The following SEMA4G variants were observed in gnomAD, a reference collection of about 807,000 sequenced individuals.
The protein encoded by SEMA4G is semaphorin 4G.
Under a neutral mutation model 81.2 loss-of-function variants are expected in SEMA4G, and 59 were observed. That is an observed-to-expected ratio of 0.73 (90% confidence interval 0.59 to 0.90). The LOEUF (loss-of-function observed/expected upper bound fraction) is 0.90. SEMA4G is among the 40% of genes least tolerant of loss of function. SEMA4G has a pLI of 0.00. For missense variants in SEMA4G, 952 were observed against 1,102.3 expected, an observed-to-expected ratio of 0.86 and a Z score of 1.93; for synonymous variants, 404 against 433.9, an observed-to-expected ratio of 0.93 and a Z score of 0.86.
chr10:100,973,332 T>C lies in SEMA4G; in HGVS notation c.273+55T>C, dbSNP rs1589978932. The C allele has an allele frequency of 6.3e-7, 1 of 1,598,414 alleles. No homozygotes were observed. Among genetic ancestry groups the C allele is most frequent in the East Asian group, 2.2e-5 (1 of 44,584 alleles). On this transcript the variant is annotated intron_variant, in intron 2 of 13. Transcript: ENST00000370250. This position sits in a 1 kb window ranked among gnomAD's most constrained non-coding sequence, Gnocchi z 5.5. Reference sequence around the variant, plus strand: ...GGGTCTCTATGCTTATCCAGCTCCCTGGGACCTCAACTTCCTTAAAACCCT... The same window carrying C: ...GGGTCTCTATGCTTATCCAGCTCCCCGGGACCTCAACTTCCTTAAAACCCT...
intron 13 of SEMA4G, 46 bp downstream of exon 14, chr10:100,981,275 C>T (rs1851058560): frequency 6.2e-7 from 1 of 1,606,700 alleles, no homozygotes; most frequent in Middle Eastern, 1.7e-4. Context: ...AGACTGTCCT[C>T]TTTGCCATTT....
chr10:100,976,852 T>C (rs748410036), intron 3 of SEMA4G, among the ~76,000 whole-genome samples: 6 of 152,214 alleles, frequency 3.9e-5, no homozygotes, highest in Non-Finnish European at 8.8e-5. Context: ...ATAAATAGCT[T>C]TATAAAGTCG....
chr10:100,984,980 T>C, downstream of SEMA4G: 1 of 1,364,610 alleles, frequency 7.3e-7, no homozygotes, highest in Non-Finnish European at 9.7e-7. Context: ...TCCACTCACA[T>C]GCACCTCTGA....
chr10:100,984,575 C>T (rs536866327), exon 14 of SEMA4G: 141 of 1,536,180 alleles, frequency 9.2e-5, no homozygotes, highest in Non-Finnish European at 1.2e-4. Context: ...CCAGACAAGA[C>T]CTCTGCCAGC....
chr10:100,969,587 C>T (rs1850570281), upstream of SEMA4G: 1 of 254,800 alleles, frequency 3.9e-6, no homozygotes, highest in African/African-American at 2.4e-5. Context: ...GATCCGAGCG[C>T]AAAGGTGAGC....
At chr10:100,978,593 A>T in exon 6 of SEMA4G, 9 of 1,614,082 alleles carry the variant, frequency 5.6e-6, no homozygotes, top group Non-Finnish European at 7.6e-6. Flanking sequence ...CGGAGCCGCC[A>T]CCCACACTCC....
intron 12 of SEMA4G, 26 bp from the exon 14 acceptor site, chr10:100,981,142 T>C (rs1851049873): frequency 6.2e-7 from 1 of 1,613,832 alleles, no homozygotes; most frequent in Non-Finnish European, 8.5e-7. Flanking sequence ...TTCCCCTTGT[T>C]CATAAAACCT....
chr10:100,981,568 A>G lies in SEMA4G; in HGVS notation c.1690+339A>G, dbSNP rs577259275. 5 of 1,613,146 alleles carry G rather than the reference A, an allele frequency of 3.1e-6. No individual in the cohort carries two copies. The African/African-American group carries it at 6.7e-5, about 21-fold the overall frequency. ...TCTGAAGAAAGAACAAAAGTTAATC[A>G]TCACAGCTAAGATGTATTAAGTATT... On this transcript the variant is annotated intron_variant, in intron 13 of 13. Coordinates refer to ENST00000370250, the Ensembl canonical transcript of SEMA4G.
chr10:100,976,978 G>A (rs1353878448), intron 3 of SEMA4G, among the ~76,000 whole-genome samples: 1 of 152,214 alleles, frequency 6.6e-6, no homozygotes, highest in Non-Finnish European at 1.5e-5. Context: ...AGTGGACCAA[G>A]TCAAGAGACT....
upstream of SEMA4G, among the ~76,000 whole-genome samples, chr10:100,971,092 G>A (rs1051096286): frequency 6.7e-6 from 1 of 149,468 alleles, no homozygotes; most frequent in African/African-American, 2.5e-5. Context: ...GTGAATCCAC[G>A]TGTTCACAGT....
At chr10:100,984,017 G>A (rs1413580384) in exon 14 of SEMA4G, 15 of 1,613,482 alleles carry the variant, frequency 9.3e-6, no homozygotes, top group Non-Finnish European at 1.2e-5. Flanking sequence ...TTCTGAGGCA[G>A]AGCAACAATG....
rs377210428 is a variant in SEMA4G, at chr10:100,978,522, G to A, written c.530-5G>A. On this transcript the variant is annotated splice_region_variant and splice_polypyrimidine_tract_variant and intron_variant, in intron 5 of 13. Coordinates refer to ENST00000370250, the Ensembl canonical transcript of SEMA4G. The stretch of plus-strand genomic sequence containing the variant: ...TCTCTCATGCCTGGAATATCCCCAC[G>A]CCAGATGGAGGCCTCTACACAGCCA... The A allele has an allele frequency of 2.5e-5, 41 of 1,613,326 alleles. No homozygotes were observed. The highest frequency in any genetic ancestry group is 1.6e-4 in the African/African-American group (12 of 74,856).
intron 13 of SEMA4G, chr10:100,981,495 G>A (rs1486147363): frequency 1.2e-6 from 2 of 1,614,070 alleles, no homozygotes; most frequent in Non-Finnish European, 8.5e-7. Context: ...AAGGGTTCAG[G>A]ACGGTAATGG....
chr10:100,974,956 T>G (rs1356968556), intron 3 of SEMA4G: 1 of 510,464 alleles, frequency 2.0e-6, no homozygotes, highest in Non-Finnish European at 4.0e-6. Context: ...TAATAAAAAA[T>G]AATTAAAAAA....
At chr10:100,970,185 GC>G (rs542999256), upstream of SEMA4G, among the ~76,000 whole-genome samples, 98 of 152,218 alleles carry the variant, frequency 6.4e-4, no homozygotes, top group African/African-American at 2.2e-3. Flanking sequence ...AGTTCAGGGG[GC>G]TGGCCCTGGG....
chr10:100,974,844 G>C (rs1850730883), intron 3 of SEMA4G: 6 of 378,000 alleles, frequency 1.6e-5, no homozygotes, highest in Non-Finnish European at 2.5e-5. Context: ...GGGCATGGTG[G>C]GTCACACTTG....
chr10:100,984,095 G>A (rs750866450), exon 14 of SEMA4G: 13 of 1,613,170 alleles, frequency 8.1e-6, no homozygotes, highest in Admixed American at 5.0e-5. Flanking sequence ...GGAAGCACAC[G>A]CAGCTCGTGG....
At position 100,980,243 on chromosome 10, in the gene SEMA4G, G is replaced by A. The variant is rs770950663; in HGVS notation, c.1250G>A (p.Arg417Gln). The A allele has an allele frequency of 5.0e-6, 8 of 1,614,198 alleles. No individual in the cohort carries two copies. The East Asian group carries it at 6.7e-5, about 13-fold the overall frequency. Residue 417 changes from arginine to glutamine, a missense_variant, in exon 10 of 14, where the codon CGG (arginine) becomes CAG (glutamine). Transcript: ENST00000370250. ...CGGCCCGTTGTGCCCACACGTGGACGGCCCCTGCTGCTCAAGCGCAACATA... is the reference window on the plus strand; with the variant it reads ...CGGCCCGTTGTGCCCACACGTGGACAGCCCCTGCTGCTCAAGCGCAACATA...
At chr10:100,978,497 T>A (rs373592720) in intron 5 of SEMA4G, 30 bp from the exon 7 acceptor site, 78 of 1,606,250 alleles carry the variant, frequency 4.9e-5, no homozygotes, top group Non-Finnish European at 6.6e-5. Context: ...ATATGACATG[T>A]CTCTCATGCC....
Sources: allele counts gnomAD v4.1 joint callset (sites outside exome capture counted in the v4.1 genomes callset), GRCh38; gene constraint gnomAD v4.1.1; non-coding constraint Gnocchi (gnomAD v3.1); transcripts MANE v1.5; gene names NCBI Gene and HGNC (gene_info 2026-07-23, HGNC 2026-07-21).